TAF6L: variants seen among roughly 807,000 people sequenced by gnomAD.
TAF6L encodes TATA-box binding protein associated factor 6 like, also known as TAF6-like RNA polymerase II p300/CBP-associated factor-associated factor 65 kDa subunit 6L.
A neutral mutation model predicts 57.3 loss-of-function variants in TAF6L; 34 were observed. The ratio of observed to expected loss-of-function variants is 0.59; its 90% CI spans 0.45 to 0.79. The LOEUF is 0.79. TAF6L is among the 30% of genes least tolerant of loss of function. The probability of loss-of-function intolerance (pLI) is 0.00; values close to 1 mark genes in which losing one functional copy is unlikely to be tolerated. For missense variants in TAF6L, 782 were observed against 853.2 expected (o/e 0.92, Z 1.04); for synonymous variants, 417 against 376.3 (o/e 1.11, Z -1.25).
At chr11:62,785,047 T>G (rs547368062) in intron 9 of TAF6L, among the ~76,000 whole-genome samples, 1 of 152,242 alleles carries the variant, frequency 6.6e-6, no homozygotes, top group South Asian at 2.1e-4. Context: ...CTTCCTACAT[T>G]GCCCAGGCTG....
At chr11:62,779,275 A>T (rs1375837918) in intron 6 of TAF6L, among the ~76,000 whole-genome samples, 1 of 151,654 alleles carries the variant, frequency 6.6e-6, no homozygotes, top group East Asian at 2.0e-4. Context: ...GCTCACTGCA[A>T]GCTCCGTCTC....
In TAF6L at chr11:62,782,322, C is replaced by T; in HGVS notation, c.816C>T (p.Ser272=). The change falls in exon 8 of 11, where the codon AGC becomes AGT. Residue 272 remains serine (S), a synonymous_variant. Coordinates refer to ENST00000294168, the MANE Select transcript of TAF6L (RefSeq NM_006473.4). ...TLRDGAALLL[S]HIFWTHGDLV... ...GGGATGGGGCTGCCCTCCTGCTCAG[C>T]CACATCTTCTGGTAGCCACTGGGCC... The T allele has an allele frequency of 6.2e-7, 1 of 1,613,518 alleles. No individual in the cohort carries two copies. Among genetic ancestry groups the T allele is most frequent in the Non-Finnish European group, 8.5e-7 (1 of 1,179,928 alleles).
intron 6 of TAF6L, 90 bp from the exon 7 acceptor site, chr11:62,781,804 T>G: frequency 9.3e-7 from 1 of 1,076,952 alleles, no homozygotes; most frequent in East Asian, 2.4e-5. Context: ...AAAACATGAA[T>G]AAGGTGATAC....
intron 6 of TAF6L, among the ~76,000 whole-genome samples, chr11:62,780,384 G>A (rs772089774): frequency 5.3e-5 from 8 of 151,958 alleles, no homozygotes; most frequent in Non-Finnish European, 7.4e-5. Context: ...GGTGGTGGAC[G>A]CCTGTAATCC....
intron 6 of TAF6L, among the ~76,000 whole-genome samples, chr11:62,781,133 G>T (rs1305640117): frequency 6.6e-6 from 1 of 151,586 alleles, no homozygotes; most frequent in Admixed American, 6.6e-5. Flanking sequence ...CTACTTGGGA[G>T]GCTGAGGCAG....
In TAF6L at chr11:62,778,033, G is replaced by A. The variant is rs778397934; in HGVS notation, c.290G>A (p.Gly97Asp). 1.9e-6 allele frequency: 3 copies of A among 1,614,188 alleles called. No individual in the cohort carries two copies. Among genetic ancestry groups the A allele is most frequent in the Admixed American group, 1.7e-5 (1 of 60,014 alleles). ...CTGCCCATGCGCCCCGCCAGGGAGG[G>A]TGAACTCTACTTTCCTGAGGATCGA... ...EALPMRPARE[G>D]ELYFPEDREV... is the part of the protein sequence containing the mutation. Residue 97 changes from glycine (G) to aspartate (D), a missense_variant, in exon 4 of 11, where the codon GGT becomes GAT. Around this residue, in one of 3 missense-constraint regions of TAF6L, gnomAD observed 220 missense variants for 252.1 expected, o/e 0.87. Transcript: ENST00000294168.
In TAF6L at chr11:62,778,510, G is replaced by C. The variant is rs929830726; in HGVS notation, c.436+175G>C. Reference sequence around the variant, plus strand: ...TGGAGGGCTCAGAGTTGGAGATGGGGGCCCAGACCTGTAACTAGTCATAAT... The same window carrying C: ...TGGAGGGCTCAGAGTTGGAGATGGGCGCCCAGACCTGTAACTAGTCATAAT... On this transcript the variant is annotated intron_variant, in intron 5 of 10. Coordinates refer to ENST00000294168, the MANE Select transcript of TAF6L (RefSeq NM_006473.4). 8 of 721,384 alleles carry C rather than the reference G, an allele frequency of 1.1e-5. No homozygotes were observed. The African/African-American group carries it at 1.4e-4, about 13-fold the overall frequency. The allele number at this position is 721,384 out of a possible 1,614,324, so 44.7% of individuals were successfully genotyped here. A position where few individuals can be genotyped will look rare whatever the true frequency, so the allele number is the denominator to read the frequency against.
rs140375142 is a variant in TAF6L at position 62,786,352 on chromosome 11, C to G, written c.1053C>G (p.Val351=). 1 of 1,614,162 alleles carries G rather than the reference C, an allele frequency of 6.2e-7. No individual in the cohort carries two copies. Among genetic ancestry groups the G allele is most frequent in the Non-Finnish European group, 8.5e-7 (1 of 1,180,018 alleles). Residue 351 remains valine (V), a synonymous_variant, in exon 10 of 11, where the codon GTC becomes GTG. Transcript: ENST00000294168. ...LDDYSVSNAQ[V]KADGHKVYGA... ...ATTATTCAGTATCTAATGCCCAGGT[C>G]AAAGCAGATGGACACAAAGTCTATG...
At chr11:62,778,379 C>A (rs1288526794) in intron 5 of TAF6L, 44 bp downstream of exon 5, 1 of 1,610,912 alleles carries the variant, frequency 6.2e-7, no homozygotes, top group Admixed American at 1.7e-5. Context: ...TGAATTTTCT[C>A]CCTTAGGTTC....
intron 6 of TAF6L, among the ~76,000 whole-genome samples, chr11:62,779,976 A>ATATATATATTT (rs1294367864): frequency 5.7e-5 from 3 of 52,632 alleles, no homozygotes; most frequent in African/African-American, 2.3e-4. Flanking sequence ...ATATATATAT[A>ATATATATATTT]TTTTTTTTTT....
intron 5 of TAF6L, 119 bp from the exon 6 acceptor site, chr11:62,778,750 C>T (rs1453391904): frequency 3.5e-6 from 3 of 863,214 alleles, no homozygotes; most frequent in East Asian, 2.4e-5. Context: ...CCTGGTTGTC[C>T]TGTCAGAAAG....
chr11:62,778,442 T>A, intron 5 of TAF6L, 107 bp downstream of exon 5: 3 of 1,357,818 alleles, frequency 2.2e-6, no homozygotes, highest in Non-Finnish European at 3.1e-6. Context: ...TGTTTACCCA[T>A]GCCTGCCTTG....
intron 6 of TAF6L, among the ~76,000 whole-genome samples, chr11:62,780,829 T>C (rs2084223676): frequency 1.3e-5 from 2 of 148,742 alleles, no homozygotes; most frequent in South Asian, 4.2e-4. Flanking sequence ...CCTAGCTACT[T>C]GCGAGGCTGA....
chr11:62,777,362 A>G (rs898378431), intron 3 of TAF6L, among the ~76,000 whole-genome samples: 5 of 152,174 alleles, frequency 3.3e-5, no homozygotes, highest in Non-Finnish European at 5.9e-5. Flanking sequence ...AAACGCACAC[A>G]TAAGGGAAGC....
intron 1 of TAF6L, chr11:62,774,623 G>A (rs755956930): frequency 2.2e-6 from 1 of 455,182 alleles, no homozygotes; most frequent in South Asian, 1.6e-5. Context: ...GTTGGAGTGA[G>A]TCATCAGCTG....
At chr11:62,784,359 C>A (rs2084254331) in intron 9 of TAF6L, among the ~76,000 whole-genome samples, 1 of 147,002 alleles carries the variant, frequency 6.8e-6, no homozygotes, top group Admixed American at 6.9e-5. Context: ...GGCTGGAGTC[C>A]AGTGGCGCCA....
chr11:62,785,469 GGCGTGAGCCACAGC>G (rs1339356791), intron 9 of TAF6L, among the ~76,000 whole-genome samples: 2 of 151,860 alleles, frequency 1.3e-5, no homozygotes, highest in Non-Finnish European at 2.9e-5. Flanking sequence ...TGGGATTACA[GGCGTGAGCCACAGC>G]GCCCGGCTGG....
intron 8 of TAF6L, 129 bp from the exon 9 acceptor site, chr11:62,782,564 C>G: frequency 1.5e-6 from 2 of 1,374,712 alleles, no homozygotes; most frequent in East Asian, 2.3e-5. Flanking sequence ...TCACCCCTGG[C>G]AGCCTTCTTC....
Position 62,787,052 on chromosome 11 carries a change from G to A in TAF6L, c.1625G>A (p.Gly542Asp). 2 of 1,522,680 alleles carry A rather than the reference G, an allele frequency of 1.3e-6. No homozygotes were observed. Among genetic ancestry groups the A allele is most frequent in the Non-Finnish European group, 1.8e-6 (2 of 1,142,270 alleles). 94.3% of individuals were successfully genotyped at this position (1,522,680 alleles called of 1,614,324 possible). A position where few individuals can be genotyped will look rare whatever the true frequency, so the allele number is the denominator to read the frequency against. Residue 542 changes from glycine (G) to aspartate (D), a missense_variant, in exon 11 of 11, where the codon GGC becomes GAC. This residue lies in a region of TAF6L where 483 missense variants were observed against 445.1 expected (regional missense o/e 1.09). Coordinates refer to ENST00000294168, the MANE Select transcript of TAF6L (RefSeq NM_006473.4). ...CCCCGGCAGCAGGGCCCCGGGACCG[G>A]CACCCGCGACGTTTTCCAGAAGAGC... ...GAPRQQGPGT[G>D]TRDVFQKSRF...
Sources: gnomAD v4.1 joint callset for allele counts (sites outside exome capture counted in the v4.1 genomes callset) on GRCh38, gnomAD v4.1.1 for gene constraint, gnomAD v4.1.1 regional missense constraint, MANE v1.5 for transcripts, NCBI Gene and HGNC (gene_info 2026-07-23, HGNC 2026-07-21) for gene names.